REST: variants seen among roughly 807,000 people sequenced by gnomAD.
REST encodes the protein RE1 silencing transcription factor, also known as RE1-silencing transcription factor.
In REST, 1 loss-of-function variant was observed where a neutral mutation model predicts 30.4. That is an observed-to-expected ratio of 0.03 (90% CI 0.01 to 0.16). REST has a LOEUF of 0.16. Ranked by LOEUF, REST falls within the 10% of genes least tolerant of loss-of-function variation. The pLI, the probability that REST is intolerant of heterozygous loss-of-function variation, is 1.00. For missense variants in REST, 1,259 were observed against 1,329.5 expected (o/e 0.95, Z 0.82); for synonymous variants, 504 against 451.1 (o/e 1.12, Z -1.49).
intron 2 of REST, among the ~76,000 whole-genome samples, chr4:56,918,796 A>C (rs1720317670): frequency 1.3e-5 from 2 of 151,752 alleles, no homozygotes; most frequent in African/African-American, 4.8e-5. Context: ...TCAGCCTCCC[A>C]AGTAGCTGGG....
intron 3 of REST, among the ~76,000 whole-genome samples, chr4:56,924,270 A>T (rs1220789432): frequency 1.3e-5 from 2 of 152,208 alleles, no homozygotes; most frequent in Non-Finnish European, 2.9e-5. Flanking sequence ...AATAAATTTT[A>T]AAAACTATTT....
rs1578498425 is a variant in REST, at chr4:56,919,976, A to G, written c.982+106A>G. 30 of 486,222 alleles carry G rather than the reference A, an allele frequency of 6.2e-5. No individual in the cohort carries two copies. The East Asian group carries it at 9.8e-4, about 16-fold the overall frequency. The allele number at this position is 486,222 out of a possible 1,614,324, so 30.1% of individuals were successfully genotyped here. ...CATTTACTTATTATTTATTTTTAATATAATTTAGAAGTCAGAATTTAAAAA... is the reference window on the plus strand; with the variant it reads ...CATTTACTTATTATTTATTTTTAATGTAATTTAGAAGTCAGAATTTAAAAA... On this transcript the variant is annotated intron_variant, in intron 3 of 3. Coordinates refer to ENST00000309042, the MANE Select transcript of REST (RefSeq NM_005612.5).
At position 56,933,881 on chromosome 4, in the gene REST, T is replaced by C. The variant is rs1392284060; in HGVS notation, c.*1729T>C. ...TTTTTTAAAAATCTGATGATCTCTT[T>C]GAGGCAGGTTTCAGATTTGGCAGTA... On this transcript the variant is annotated 3_prime_UTR_variant, in exon 4 of 4. Transcript: ENST00000309042. The C allele has an allele frequency of 6.6e-6, 1 of 152,236 alleles. No homozygotes were observed. Among genetic ancestry groups the C allele is most frequent in the African/African-American group, 2.4e-5 (1 of 41,458 alleles). The allele number at this position is 152,236 out of a possible 1,614,324, so 9.4% of individuals were successfully genotyped here.
chr4:56,914,785 C>T (rs1041377381), intron 2 of REST, among the ~76,000 whole-genome samples: 2 of 152,102 alleles, frequency 1.3e-5, no homozygotes, highest in African/African-American at 2.4e-5. Context: ...AACTCCTGAC[C>T]TCAGGTCGTC....
rs1045104435 is a variant in REST at position 56,932,821 on chromosome 4, A to G, written c.*669A>G. 3 of 151,282 alleles carry G rather than the reference A, an allele frequency of 2.0e-5. No individual in the cohort carries two copies. Among genetic ancestry groups the G allele is most frequent in the African/African-American group, 7.3e-5 (3 of 41,080 alleles). The allele number at this position is 151,282 out of a possible 1,614,324, so 9.4% of individuals were successfully genotyped here. On this transcript the variant is annotated 3_prime_UTR_variant, in exon 4 of 4. Transcript: ENST00000309042. ...GGTTTCTGTTTATGTTTTTTTGCCTATGCAGTTAAATTTTTCCTAGAAATA... is the reference window on the plus strand; with the variant it reads ...GGTTTCTGTTTATGTTTTTTTGCCTGTGCAGTTAAATTTTTCCTAGAAATA...
chr4:56,917,539 G>A (rs1404961030), intron 2 of REST, among the ~76,000 whole-genome samples: 2 of 151,998 alleles, frequency 1.3e-5, no homozygotes, highest in African/African-American at 2.4e-5. Context: ...ATTTGTTTCT[G>A]TCTTAGACAA....
rs778550402 is a variant in REST at position 56,932,931 on chromosome 4, T to C, written c.*779T>C. 1.3e-5 allele frequency: 2 copies of C among 152,194 alleles called. No individual in the cohort carries two copies. Among genetic ancestry groups the C allele is most frequent in the Non-Finnish European group, 2.9e-5 (2 of 68,036 alleles). The allele number at this position is 152,194 out of a possible 1,614,324, so 9.4% of individuals were successfully genotyped here. Reference sequence around the variant, plus strand: ...CGTCTTTGGAGGGATGCTTTTAGACTTGTTTGCAAAAGGGCAGTTTTCTTT... The same window carrying C: ...CGTCTTTGGAGGGATGCTTTTAGACCTGTTTGCAAAAGGGCAGTTTTCTTT... On this transcript the variant is annotated 3_prime_UTR_variant, in exon 4 of 4. Coordinates refer to ENST00000309042, the MANE Select transcript of REST (RefSeq NM_005612.5).
rs777628511 is a variant in REST at position 56,930,618 on chromosome 4, A to C, written c.1760A>C (p.Lys587Thr). 1.2e-6 allele frequency: 2 copies of C among 1,612,984 alleles called. 1 individual carries two copies. The highest frequency in any genetic ancestry group is 3.3e-5 in the Admixed American group (2 of 59,992). Reference sequence around the variant, plus strand: ...ACAAAGAAGAAAACTCTGAAAAATAAATCAAGTAAGAAAAGCAGTAAGCCT... The same window carrying C: ...ACAAAGAAGAAAACTCTGAAAAATACATCAAGTAAGAAAAGCAGTAAGCCT... ...KSTKKKTLKNKSSKKSSKPPQ... is the reference protein window; with the variant it reads ...KSTKKKTLKNTSSKKSSKPPQ... Residue 587 changes from lysine (K) to threonine (T), a missense_variant, in exon 4 of 4, where the codon AAA becomes ACA. Around this residue, in one of 5 missense-constraint regions of REST, gnomAD observed 856 missense variants for 772.8 expected, o/e 1.11. Transcript: ENST00000309042.
intron 3 of REST, among the ~76,000 whole-genome samples, chr4:56,927,124 A>G (rs1208464328): frequency 6.6e-6 from 1 of 151,678 alleles, no homozygotes; most frequent in Non-Finnish European, 1.5e-5. Flanking sequence ...AAGAAATTGA[A>G]CTCTAGAGAG....
chr4:56,920,098 C>T, intron 3 of REST: 1 of 328,396 alleles, frequency 3.0e-6, no homozygotes, highest in Admixed American at 4.3e-5. Flanking sequence ...GGAGGAGGGG[C>T]CTTAATTCTC....
At position 56,910,635 on chromosome 4, in the gene REST, A is replaced by G; in HGVS notation, c.-4A>G. ...TTGTTTTGTTTTTAATTCAGAATAC[A>G]GTTATGGCCACCCAGGTAATGGGGC... On this transcript the variant is annotated 5_prime_UTR_variant, in exon 2 of 4. Transcript: ENST00000309042. 1 of 1,599,842 alleles carries G rather than the reference A, an allele frequency of 6.3e-7. No homozygotes were observed. Among genetic ancestry groups the G allele is most frequent in the Admixed American group, 1.7e-5 (1 of 58,790 alleles).
At chr4:56,921,019 C>G (rs1376933556) in intron 3 of REST, among the ~76,000 whole-genome samples, 3 of 152,032 alleles carry the variant, frequency 2.0e-5, no homozygotes, top group African/African-American at 7.2e-5. Flanking sequence ...GCGCGCACCA[C>G]CATGCCCGGC....
At position 56,918,983 on chromosome 4, in the gene REST, AT is replaced by A. The variant is rs869154156; in HGVS notation, c.899-788del. Among the ~76,000 whole-genome samples, 792 of 137,842 alleles carry A rather than the reference AT, an allele frequency of 5.7e-3. 1 individual carries two copies. The highest frequency in any genetic ancestry group is 8.6e-3 in the African/African-American group (321 of 37,354). The allele number at this position is 137,842 out of a possible 152,430, so 90.4% of individuals were successfully genotyped here. A position where few individuals can be genotyped will look rare whatever the true frequency, so the allele number is the denominator to read the frequency against. On this transcript the variant is annotated intron_variant, in intron 2 of 3. Coordinates refer to ENST00000309042, the MANE Select transcript of REST (RefSeq NM_005612.5). ...ACAATCCCCATGCTCAGCCCAGGCT[AT>A]TTTTTTTTTTTTTTTAAACGAGATG...
At chr4:56,916,910 A>G (rs1372567811) in intron 2 of REST, among the ~76,000 whole-genome samples, 3 of 152,242 alleles carry the variant, frequency 2.0e-5, no homozygotes, top group Non-Finnish European at 4.4e-5. Flanking sequence ...GCAGTATAGT[A>G]GCAACATTTT....
At chr4:56,916,740 A>T (rs961816615) in intron 2 of REST, among the ~76,000 whole-genome samples, 37 of 152,248 alleles carry the variant, frequency 2.4e-4, no homozygotes, top group Admixed American at 2.4e-3. Flanking sequence ...TACAGTTTAC[A>T]TATGCAGTTC....
In REST at chr4:56,925,338, G is replaced by C. The variant is rs917188403; in HGVS notation, c.983-4503G>C. On this transcript the variant is annotated intron_variant, in intron 3 of 3. Transcript: ENST00000309042. ...AACGATCCTCCCACCTCAGCCTCTG[G>C]AGTAGGTGGCACTGTAGGCTTGTGC... Among the ~76,000 whole-genome samples, 9 of 152,024 alleles carry C rather than the reference G, an allele frequency of 5.9e-5. No homozygotes were observed. The East Asian group carries it at 1.5e-3, about 26-fold the overall frequency.
rs1720999989 is a variant in REST at position 56,932,145 on chromosome 4, A to G, written c.3287A>G (p.Gln1096Arg). The G allele has an allele frequency of 1.3e-6, 2 of 1,596,356 alleles. No individual in the cohort carries two copies. Among genetic ancestry groups the G allele is most frequent in the African/African-American group, 2.7e-5 (2 of 74,046 alleles). Residue 1096 changes from glutamine (Q) to arginine (R), a missense_variant, in exon 4 of 4, where the codon CAG becomes CGG. Gln to Arg is a conservative substitution (Grantham distance 43, BLOSUM62 1). Coordinates refer to ENST00000309042, the MANE Select transcript of REST (RefSeq NM_005612.5). ...TATCTTGAAGAAGCAGCTCAAGGGC[A>G]GGAGTAATGAAACTTTGAACAAGGT... ...VYYLEEAAQG[Q>R]E is the part of the protein sequence containing the mutation.
chr4:56,925,858 C>T (rs773162099), intron 3 of REST, among the ~76,000 whole-genome samples: 8 of 152,166 alleles, frequency 5.3e-5, no homozygotes, highest in African/African-American at 1.9e-4. Context: ...CCTCCCTTTC[C>T]GTTCACCATT....
intron 3 of REST, among the ~76,000 whole-genome samples, chr4:56,923,659 A>G (rs1237852858): frequency 1.3e-5 from 2 of 151,716 alleles, no homozygotes; most frequent in African/African-American, 2.4e-5. Flanking sequence ...TCAGCCTCCC[A>G]AAGTGCTGGA....
Sources: gnomAD v4.1 joint callset for allele counts (sites outside exome capture counted in the v4.1 genomes callset) on GRCh38, gnomAD v4.1.1 for gene constraint, gnomAD v4.1.1 regional missense constraint, MANE v1.5 for transcripts, NCBI Gene and HGNC (gene_info 2026-07-23, HGNC 2026-07-21) for gene names.